Variants in KCNH5 observed in about 807,000 individuals in gnomAD.
The protein encoded by KCNH5 is voltage-gated delayed rectifier potassium channel KCNH5.
Under a neutral mutation model 96.1 loss-of-function variants are expected in KCNH5, and 46 were observed. That is an observed-to-expected ratio of 0.48 (90% CI 0.38 to 0.61). KCNH5 has a LOEUF of 0.61. KCNH5 is among the 20% of genes least tolerant of loss of function. KCNH5 has a pLI of 0.00. For synonymous variants in KCNH5, 439 were observed against 449.8 expected (o/e 0.98, Z 0.30); for missense variants, 907 against 1,225.8 (o/e 0.74, Z 3.88).
intron 7 of KCNH5, among the ~76,000 whole-genome samples, chr14:62,889,781 C>T (rs909123929): frequency 6.6e-6 from 1 of 152,154 alleles, no homozygotes; most frequent in African/African-American, 2.4e-5. Context: ...CTGCATAGTA[C>T]TATTGCATTT....
intron 7 of KCNH5, among the ~76,000 whole-genome samples, chr14:62,894,252 G>A (rs1177400897): frequency 2.0e-5 from 3 of 152,246 alleles, no homozygotes; most frequent in South Asian, 2.1e-4. Flanking sequence ...TCTGAGATAC[G>A]TTTGTGCTGG....
At chr14:62,836,380 T>C (rs938611906) in intron 8 of KCNH5, among the ~76,000 whole-genome samples, 4 of 152,122 alleles carry the variant, frequency 2.6e-5, no homozygotes, top group Non-Finnish European at 5.9e-5. Flanking sequence ...TTGTTCCTGG[T>C]TGTCACTATA....
At chr14:62,720,589 G>GA (rs1884788801) in intron 10 of KCNH5, among the ~76,000 whole-genome samples, 1 of 151,796 alleles carries the variant, frequency 6.6e-6, no homozygotes, top group Non-Finnish European at 1.5e-5. Context: ...TCTCAAAAAA[G>GA]AAAAAAAGAG....
At chr14:63,018,875 T>G (rs1263104962) in intron 1 of KCNH5, among the ~76,000 whole-genome samples, 2 of 151,910 alleles carry the variant, frequency 1.3e-5, no homozygotes, top group African/African-American at 4.8e-5. Flanking sequence ...TGGAAAAAAG[T>G]AGGCAGTAGA....
chr14:62,988,249 T>G (rs1489427332), intron 4 of KCNH5, among the ~76,000 whole-genome samples: 1 of 152,146 alleles, frequency 6.6e-6, no homozygotes, highest in Non-Finnish European at 1.5e-5. Flanking sequence ...TAAAAAATTT[T>G]ATTAACACTA....
chr14:62,720,248 C>A (rs1284779959), intron 10 of KCNH5, among the ~76,000 whole-genome samples: 1 of 151,930 alleles, frequency 6.6e-6, no homozygotes, highest in South Asian at 2.1e-4. Context: ...CTGGAGAGGA[C>A]GTGGAAGAGG....
intron 7 of KCNH5, among the ~76,000 whole-genome samples, chr14:62,877,432 C>T (rs1352876877): frequency 1.7e-4 from 26 of 152,188 alleles, no homozygotes; most frequent in Admixed American, 5.2e-4. Context: ...AGAAAGTTTT[C>T]GCAACCTACT....
At chr14:62,766,042 A>C (rs143630816) in intron 10 of KCNH5, among the ~76,000 whole-genome samples, 2 of 152,304 alleles carry the variant, frequency 1.3e-5, no homozygotes, top group Non-Finnish European at 2.9e-5. Flanking sequence ...ATTTGAAAAG[A>C]CATTTTTCAA....
intron 7 of KCNH5, among the ~76,000 whole-genome samples, chr14:62,898,664 C>T (rs147573966): frequency 5.4e-4 from 82 of 152,040 alleles, no homozygotes; most frequent in African/African-American, 1.8e-3. Flanking sequence ...AAATGACATA[C>T]AGAGAAATAC....
At chr14:62,743,772 C>T (rs1291055593) in intron 10 of KCNH5, among the ~76,000 whole-genome samples, 3 of 151,940 alleles carry the variant, frequency 2.0e-5, no homozygotes, top group South Asian at 2.1e-4. Context: ...CTGTTCTACC[C>T]GACTCCACCC....
At chr14:62,742,033 T>C (rs1885281439) in intron 10 of KCNH5, among the ~76,000 whole-genome samples, 2 of 152,136 alleles carry the variant, frequency 1.3e-5, no homozygotes, top group South Asian at 2.1e-4. Flanking sequence ...GGTTTTTGGC[T>C]ATAAAATTGA....
intron 7 of KCNH5, among the ~76,000 whole-genome samples, chr14:62,912,458 G>A (rs547264519): frequency 6.6e-6 from 1 of 151,292 alleles, no homozygotes; most frequent in South Asian, 2.1e-4. Flanking sequence ...CCTGGATGGA[G>A]TGCAATGGCA....
intron 10 of KCNH5, among the ~76,000 whole-genome samples, chr14:62,734,237 A>G (rs1347809706): frequency 2.0e-5 from 3 of 152,064 alleles, no homozygotes; most frequent in East Asian, 1.9e-4. Flanking sequence ...CCAGAGAGAA[A>G]TTTCCAAAAT....
At chr14:62,770,063 T>C (rs935219375) in intron 10 of KCNH5, among the ~76,000 whole-genome samples, 2 of 152,212 alleles carry the variant, frequency 1.3e-5, no homozygotes, top group Non-Finnish European at 1.5e-5. Context: ...AAACGGGCTC[T>C]ACTATTTTGT....
chr14:62,738,896 G>T (rs1183512187), intron 10 of KCNH5, among the ~76,000 whole-genome samples: 2 of 152,098 alleles, frequency 1.3e-5, no homozygotes, highest in African/African-American at 4.8e-5. Context: ...AGAAGCAAAA[G>T]ATGAATTCTG....
At chr14:62,803,728 T>C (rs1313945975) in intron 8 of KCNH5, among the ~76,000 whole-genome samples, 3 of 152,188 alleles carry the variant, frequency 2.0e-5, no homozygotes, top group Non-Finnish European at 4.4e-5. Flanking sequence ...ATTATCATCA[T>C]ATTTAATCAG....
intron 7 of KCNH5, among the ~76,000 whole-genome samples, chr14:62,931,869 G>A (rs747674979): frequency 6.6e-6 from 1 of 152,162 alleles, no homozygotes; most frequent in Non-Finnish European, 1.5e-5. Flanking sequence ...AGAGCAGAAA[G>A]TAGGGGTTTC....
intron 7 of KCNH5, among the ~76,000 whole-genome samples, chr14:62,923,108 A>G (rs1337766794): frequency 1.3e-5 from 2 of 151,986 alleles, no homozygotes; most frequent in Non-Finnish European, 2.9e-5. Flanking sequence ...TAAAGCTAAA[A>G]CAAATTCAGT....
intron 7 of KCNH5, among the ~76,000 whole-genome samples, chr14:62,924,098 A>G (rs1447621703): frequency 1.3e-5 from 2 of 152,048 alleles, no homozygotes; most frequent in African/African-American, 2.4e-5. Flanking sequence ...TCCAAAATAT[A>G]TAAGGAACCC....
Sources: gnomAD v4.1 joint callset for allele counts (sites outside exome capture counted in the v4.1 genomes callset) on GRCh38, gnomAD v4.1.1 for gene constraint, MANE v1.5 for transcripts, NCBI Gene and HGNC (gene_info 2026-07-23, HGNC 2026-07-21) for gene names.